Variants in CFAP77 observed in about 807,000 individuals in gnomAD.
CFAP77 encodes cilia- and flagella-associated protein 77.
CFAP77 carries 25 observed loss-of-function variants against 31.1 expected under a neutral mutation model. That is an observed-to-expected ratio of 0.80 (90% CI 0.59 to 1.12). The LOEUF (loss-of-function observed/expected upper bound fraction) is 1.12, where lower values mean the gene tolerates loss of function less well. Ranked by LOEUF, CFAP77 falls within the 50% of genes most tolerant of loss-of-function variation. The probability of loss-of-function intolerance (pLI) is 0.00; values close to 1 mark genes in which losing one functional copy is unlikely to be tolerated. For synonymous variants in CFAP77, 151 were observed against 159.9 expected, an observed-to-expected ratio of 0.94 and a Z score of 0.42; for missense variants, 377 against 397.3, an observed-to-expected ratio of 0.95 and a Z score of 0.44.
In CFAP77 at chr9:132,486,020, A is replaced by G. The variant is rs868743679; in HGVS notation, c.196-12675A>G. 2.1e-4 allele frequency among the ~76,000 whole-genome samples: 9 copies of G among 43,032 alleles called. No homozygotes were observed. The African/African-American group carries it at 2.1e-3, about 10-fold the overall frequency. The allele number at this position is 43,032 out of a possible 152,430, so 28.2% of individuals were successfully genotyped here. A position where few individuals can be genotyped will look rare whatever the true frequency, so the allele number is the denominator to read the frequency against. On this transcript the variant is annotated intron_variant, in intron 1 of 5. Transcript: ENST00000393216. ...TATATATATATATATATATATATAT[A>G]TATATATATATATATATATATGTAT... is the stretch of plus-strand genomic sequence containing the variant.
intron 3 of CFAP77, among the ~76,000 whole-genome samples, chr9:132,515,184 G>A (rs955308261): frequency 5.3e-5 from 8 of 152,228 alleles, no homozygotes; most frequent in Middle Eastern, 3.2e-3. Flanking sequence ...GTCTGGGGGT[G>A]GAAGGTGACA....
rs1851544587 is a variant in CFAP77, at chr9:132,486,051, TGTATGTGTGTGTGTGTATATATATA to T, written c.196-12643_196-12619del. ...ATATATATATATATATGTATGTATATGTATGTGTGTGTGTGTATATATATATATATATATATATATTTTTTTTTTT... is the reference window on the plus strand; with the variant it reads ...ATATATATATATATATGTATGTATATTATATATATATATATTTTTTTTTTT... On this transcript the variant is annotated intron_variant, in intron 1 of 5. Transcript: ENST00000393216. 4.0e-5 allele frequency among the ~76,000 whole-genome samples: 2 copies of T among 49,428 alleles called. 1 individual carries two copies. The highest frequency in any genetic ancestry group is 3.8e-4 in the African/African-American group (2 of 5,234). 32.4% of individuals were successfully genotyped at this position (49,428 alleles called of 152,430 possible).
At chr9:132,562,566 T>C (rs1410089104) in intron 5 of CFAP77, among the ~76,000 whole-genome samples, 3 of 152,240 alleles carry the variant, frequency 2.0e-5, no homozygotes, top group African/African-American at 7.2e-5. Flanking sequence ...GCACATTGGT[T>C]CTGATAGACC....
At chr9:132,468,017 C>T (rs147008267) in intron 1 of CFAP77, among the ~76,000 whole-genome samples, 1 of 152,210 alleles carries the variant, frequency 6.6e-6, no homozygotes, top group East Asian at 1.9e-4. Flanking sequence ...CCCCCTCCTG[C>T]ATCCAACCCT....
intron 3 of CFAP77, among the ~76,000 whole-genome samples, chr9:132,531,943 G>A (rs1030963617): frequency 1.3e-5 from 2 of 152,194 alleles, no homozygotes; most frequent in Non-Finnish European, 2.9e-5. Flanking sequence ...ATGTACCGGG[G>A]ACTGCTGAGA....
At chr9:132,486,010 A>G (rs796713472) in intron 1 of CFAP77, among the ~76,000 whole-genome samples, 12,511 of 30,218 alleles carry the variant, frequency 0.41, 2,455 homozygotes, top group East Asian at 0.57. Context: ...ATATATATAT[A>G]TATATATATA....
chr9:132,441,336 G>A (rs1850612593), intron 1 of CFAP77, among the ~76,000 whole-genome samples: 1 of 152,142 alleles, frequency 6.6e-6, no homozygotes, highest in Non-Finnish European at 1.5e-5. Flanking sequence ...CAAGGTTCAG[G>A]GAAATTGTAG....
In CFAP77 at chr9:132,454,039, C is replaced by G. The variant is rs551702553; in HGVS notation, c.195+43573C>G. Among the ~76,000 whole-genome samples the G allele has an allele frequency of 1.9e-3, 296 of 152,270 alleles. 1 individual carries two copies. Among genetic ancestry groups the G allele is most frequent in the African/African-American group, 6.4e-3 (268 of 41,552 alleles). ...GCACCCCCAATAATTGATGTACATT[C>G]TTTGCAATTTAGGGGCATCATAATT... is the stretch of plus-strand genomic sequence containing the variant. On this transcript the variant is annotated intron_variant, in intron 1 of 5. Transcript: ENST00000393216.
At chr9:132,428,784 C>T (rs1163970187) in intron 1 of CFAP77, among the ~76,000 whole-genome samples, 1 of 150,812 alleles carries the variant, frequency 6.6e-6, no homozygotes, top group Non-Finnish European at 1.5e-5. Context: ...GGTCCCAAGG[C>T]CTTCAGGGCA....
rs1184963684 is a variant in CFAP77 at position 132,529,511 on chromosome 9, A to AAAAAAC, written c.525-8085_525-8084insCAAAAA. 5.4e-4 allele frequency among the ~76,000 whole-genome samples: 62 copies of AAAAAAC among 115,358 alleles called. 4 individuals are homozygous for AAAAAAC. The highest frequency in any genetic ancestry group is 2.0e-3 in the African/African-American group (60 of 30,350). The allele number at this position is 115,358 out of a possible 152,430, so 75.7% of individuals were successfully genotyped here. The stretch of plus-strand genomic sequence containing the variant: ...ACCCTAAAACTTAGAGTATAATAAA[A>AAAAAAC]AAAAAAAACAAAAAAAAAACTAAAC... On this transcript the variant is annotated intron_variant, in intron 3 of 5. Transcript: ENST00000393216.
At chr9:132,568,431 C>G (rs1829915474) in intron 5 of CFAP77, among the ~76,000 whole-genome samples, 1 of 151,786 alleles carries the variant, frequency 6.6e-6, no homozygotes, top group South Asian at 2.1e-4. Context: ...TGGCAGGCGC[C>G]TGTAATTCCA....
intron 1 of CFAP77, among the ~76,000 whole-genome samples, chr9:132,442,958 A>C (rs1850638580): frequency 6.6e-6 from 1 of 152,122 alleles, no homozygotes; most frequent in African/African-American, 2.4e-5. Flanking sequence ...AAAACCTTCC[A>C]GTAATCACTT....
chr9:132,436,589 C>T (rs1348729655), intron 1 of CFAP77, among the ~76,000 whole-genome samples: 1 of 151,964 alleles, frequency 6.6e-6, no homozygotes, highest in Non-Finnish European at 1.5e-5. Context: ...TTTTTCATGG[C>T]ATGAAGATAT....
intron 1 of CFAP77, among the ~76,000 whole-genome samples, 170 bp downstream of exon 1, chr9:132,410,636 C>T (rs1341748983): frequency 6.6e-6 from 1 of 152,214 alleles, no homozygotes; most frequent in East Asian, 1.9e-4. Flanking sequence ...GTCGCGTCGC[C>T]TCTCTCAGCC....
rs535063389 is a variant in CFAP77, at chr9:132,493,296, C to T, written c.196-5399C>T. ...CGATGCTATGGTCTGGAAAAGTCCT[C>T]GGAAATGAGAAAGCCACTGCTATGG... On this transcript the variant is annotated intron_variant, in intron 1 of 5. Transcript: ENST00000393216. 5.9e-5 allele frequency among the ~76,000 whole-genome samples: 9 copies of T among 152,246 alleles called. No individual in the cohort carries two copies. In the East Asian group the frequency reaches 1.4e-3, roughly 23 times the overall value.
chr9:132,491,707 TTTTA>T (rs977421930), intron 1 of CFAP77, among the ~76,000 whole-genome samples: 66 of 152,370 alleles, frequency 4.3e-4, no homozygotes, highest in African/African-American at 1.6e-3. Context: ...TCTTATTTGT[TTTTA>T]TTAATCTTTC....
chr9:132,425,388 C>T (rs1266356545), intron 1 of CFAP77, among the ~76,000 whole-genome samples: 3 of 152,118 alleles, frequency 2.0e-5, no homozygotes, highest in Non-Finnish European at 4.4e-5. Flanking sequence ...TCCAACCTCG[C>T]TCCCCAGTCC....
chr9:132,523,249 G>A (rs542962260), intron 3 of CFAP77, among the ~76,000 whole-genome samples: 28 of 152,136 alleles, frequency 1.8e-4, no homozygotes, highest in Admixed American at 1.3e-3. Flanking sequence ...CACCATGCCC[G>A]GTTAATTTTT....
At chr9:132,506,455 G>A (rs1401670520) in intron 3 of CFAP77, among the ~76,000 whole-genome samples, 1 of 152,080 alleles carries the variant, frequency 6.6e-6, no homozygotes, top group Non-Finnish European at 1.5e-5. Context: ...TGGCGGGGAG[G>A]GGAGGAGCAG....
Sources: gnomAD v4.1 joint callset for allele counts (sites outside exome capture counted in the v4.1 genomes callset) on GRCh38, gnomAD v4.1.1 for gene constraint, MANE v1.5 for transcripts, NCBI Gene and HGNC (gene_info 2026-07-23, HGNC 2026-07-21) for gene names.